The following LOC400499 variants were observed in gnomAD, a reference collection of about 807,000 sequenced individuals.
chr16:11,507,638 C>G, the LOC400499 span, among the ~76,000 whole-genome samples: 14,203 of 152,222 alleles, frequency 0.093, 1,906 homozygotes, highest in African/African-American at 0.3. Flanking sequence ...CTCAATTAAA[C>G]TGTAAAGCCC....
chr16:11,464,122 GTGTA>G, the LOC400499 span, among the ~76,000 whole-genome samples: 1 of 151,570 alleles, frequency 6.6e-6, no homozygotes. Context: ...GTGGATGTTC[GTGTA>G]TGTAAATATG....
the LOC400499 span, chr16:11,456,983 C>T: frequency 6.5e-7 from 1 of 1,536,090 alleles, no homozygotes; most frequent in South Asian, 1.2e-5. Flanking sequence ...GGCGGAGGCT[C>T]AAGTGGTAAA....
At chr16:11,374,925 T>C in the LOC400499 span, among the ~76,000 whole-genome samples, 1 of 152,138 alleles carries the variant, frequency 6.6e-6, no homozygotes, top group Non-Finnish European at 1.5e-5. Context: ...CTTAGCTCAC[T>C]GCAACCTCCG....
the LOC400499 span, among the ~76,000 whole-genome samples, chr16:11,455,563 C>T: frequency 6.6e-6 from 1 of 151,564 alleles, no homozygotes; most frequent in Non-Finnish European, 1.5e-5. Context: ...AGTGAAACCC[C>T]GTCTCTACTA....
the LOC400499 span, chr16:11,387,334 G>T: frequency 8.1e-7 from 1 of 1,230,076 alleles, no homozygotes. Context: ...GTGCCTGCCC[G>T]AGCCTTGCTT....
At chr16:11,469,731 T>G in the LOC400499 span, 1 of 398,732 alleles carries the variant, frequency 2.5e-6, no homozygotes, top group Non-Finnish European at 4.4e-6. Context: ...ACTCACATTG[T>G]TGTCCTCACA....
chr16:11,471,772 G>C, the LOC400499 span: 5 of 399,054 alleles, frequency 1.3e-5, no homozygotes, highest in African/African-American at 1.0e-4. Flanking sequence ...GCCAGGCACC[G>C]GCCAGGTCAC....
chr16:11,459,937 T>G, the LOC400499 span: 1 of 1,500,306 alleles, frequency 6.7e-7, no homozygotes, highest in Non-Finnish European at 8.9e-7. Context: ...GAGTCATTCT[T>G]GAAGGTCTGG....
At chr16:11,449,206 C>T in the LOC400499 span, 1 of 1,122,538 alleles carries the variant, frequency 8.9e-7, no homozygotes, top group Non-Finnish European at 1.2e-6. Context: ...AACTCCTCTT[C>T]ATCCCTCAAA....
the LOC400499 span, among the ~76,000 whole-genome samples, chr16:11,455,996 G>A: frequency 0.051 from 7,652 of 150,034 alleles, 574 homozygotes; most frequent in East Asian, 0.37. Context: ...GTATCGCTTC[G>A]ATAAAAATAA....
the LOC400499 span, chr16:11,372,518 G>C: frequency 6.5e-6 from 1 of 152,926 alleles, no homozygotes; most frequent in African/African-American, 2.4e-5. Context: ...ACTCAGACCA[G>C]TGGGAGAGTT....
chr16:11,487,408 C>G, the LOC400499 span: 2 of 398,812 alleles, frequency 5.0e-6, no homozygotes, highest in East Asian at 3.6e-5. Flanking sequence ...ACAAGAACAT[C>G]AGTACACTCT....
chr16:11,397,479 T>C, the LOC400499 span, among the ~76,000 whole-genome samples: 31,808 of 151,988 alleles, frequency 0.21, 3,435 homozygotes, highest in East Asian at 0.31. Context: ...TTCACCATGT[T>C]AGCCAGGATG....
the LOC400499 span, among the ~76,000 whole-genome samples, chr16:11,398,691 G>C: frequency 6.7e-6 from 1 of 148,336 alleles, no homozygotes; most frequent in African/African-American, 2.5e-5. Context: ...AGACACTCTT[G>C]CTCTATAGCC....
chr16:11,482,218 C>T, the LOC400499 span, among the ~76,000 whole-genome samples: 2 of 152,142 alleles, frequency 1.3e-5, no homozygotes, highest in African/African-American at 2.4e-5. Context: ...AGCTCAACTT[C>T]CTGCCTGGAG....
the LOC400499 span, chr16:11,488,655 C>G: frequency 2.5e-6 from 1 of 398,030 alleles, no homozygotes; most frequent in Non-Finnish European, 4.4e-6. Context: ...GCTCCAGGGT[C>G]CCCCAGCCTT....
the LOC400499 span, among the ~76,000 whole-genome samples, chr16:11,413,455 C>A: frequency 1.3e-5 from 2 of 152,088 alleles, no homozygotes; most frequent in African/African-American, 2.4e-5. Flanking sequence ...GCGCCTGGCT[C>A]TAGAATAGGC....
chr16:11,384,435 G>C, the LOC400499 span: 1 of 528,074 alleles, frequency 1.9e-6, no homozygotes, highest in Non-Finnish European at 2.9e-6. Context: ...AGCACACAGA[G>C]GAGCAGTAGA....
chr16:11,449,049 G>A, the LOC400499 span: 2 of 1,490,636 alleles, frequency 1.3e-6, no homozygotes, highest in Non-Finnish European at 1.8e-6. Flanking sequence ...GTTCCAGGCT[G>A]ACTCGAGTTC....
Sources: allele counts gnomAD v4.1 joint callset (sites outside exome capture counted in the v4.1 genomes callset), GRCh38; gene constraint gnomAD v4.1.1; transcripts MANE v1.5.